The following CFAP299 variants were observed in gnomAD, a reference collection of about 807,000 sequenced individuals.
CFAP299 encodes cilia- and flagella-associated protein 299.
A neutral mutation model predicts 27.0 loss-of-function variants in CFAP299; 21 were observed. The observed-to-expected ratio is 0.78, with a 90% confidence interval of 0.55 to 1.12. The LOEUF is 1.12. Among genes scored for constraint, CFAP299 ranks in the 50% most tolerant of loss-of-function variants. The probability of loss-of-function intolerance (pLI) is 0.00; values close to 1 mark genes in which losing one functional copy is unlikely to be tolerated. For synonymous variants in CFAP299, 104 were observed against 98.1 expected, an observed-to-expected ratio of 1.06 and a Z score of -0.36; for missense variants, 310 against 276.6, an observed-to-expected ratio of 1.12 and a Z score of -0.86.
intron 4 of CFAP299, among the ~76,000 whole-genome samples, chr4:80,917,444 G>A (rs1463853707): frequency 3.3e-5 from 5 of 152,006 alleles, no homozygotes; most frequent in Non-Finnish European, 4.4e-5. Context: ...TTGGTTTCTA[G>A]ATTTGAAAAA....
intron 2 of CFAP299, among the ~76,000 whole-genome samples, chr4:80,552,318 A>AT: frequency 6.6e-6 from 1 of 152,252 alleles, no homozygotes; most frequent in South Asian, 2.1e-4. Flanking sequence ...AATAGATCAT[A>AT]TTTTTTGCAA....
chr4:80,823,446 T>G (rs541178000), intron 3 of CFAP299, among the ~76,000 whole-genome samples: 1 of 152,242 alleles, frequency 6.6e-6, no homozygotes, highest in East Asian at 1.9e-4. Flanking sequence ...GGACAGTAAA[T>G]AACTGGGCTG....
At chr4:80,359,227 C>T (rs916054576) in intron 1 of CFAP299, among the ~76,000 whole-genome samples, 7 of 152,094 alleles carry the variant, frequency 4.6e-5, no homozygotes, top group African/African-American at 9.7e-5. Flanking sequence ...GGTGATCTGA[C>T]GCTTCTCTCT....
chr4:80,518,529 A>G (rs1010697197), intron 2 of CFAP299, among the ~76,000 whole-genome samples: 7 of 152,198 alleles, frequency 4.6e-5, no homozygotes, highest in Admixed American at 1.3e-4. Context: ...GGTGCTCAGA[A>G]TGCAGGTCAG....
intron 3 of CFAP299, among the ~76,000 whole-genome samples, chr4:80,718,483 G>A (rs1382225594): frequency 3.9e-5 from 6 of 152,048 alleles, no homozygotes; most frequent in Non-Finnish European, 7.4e-5. Flanking sequence ...ATTGTCAAGA[G>A]TAGATAATAG....
intron 3 of CFAP299, among the ~76,000 whole-genome samples, chr4:80,691,021 T>C (rs1416564028): frequency 7.2e-6 from 1 of 138,444 alleles, no homozygotes; most frequent in Admixed American, 7.6e-5. Context: ...AATAGACCAA[T>C]AACAGGCTCT....
chr4:80,819,159 G>A (rs1164034522), intron 3 of CFAP299, among the ~76,000 whole-genome samples: 1 of 152,034 alleles, frequency 6.6e-6, no homozygotes, highest in African/African-American at 2.4e-5. Flanking sequence ...CTCAGAAGAA[G>A]CTATGTAGGA....
intron 5 of CFAP299, among the ~76,000 whole-genome samples, chr4:80,946,664 T>A (rs1290499125): frequency 6.6e-6 from 1 of 152,214 alleles, no homozygotes; most frequent in Non-Finnish European, 1.5e-5. Flanking sequence ...ATACTCTTTT[T>A]TGGTCTCAGG....
intron 3 of CFAP299, among the ~76,000 whole-genome samples, chr4:80,758,230 C>G (rs950133063): frequency 1.3e-5 from 2 of 152,122 alleles, no homozygotes; most frequent in East Asian, 1.9e-4. Flanking sequence ...AGGAAAGTGG[C>G]TTTCAGGGGG....
At chr4:80,350,474 C>A (rs377132264) in intron 1 of CFAP299, among the ~76,000 whole-genome samples, 7 of 152,190 alleles carry the variant, frequency 4.6e-5, no homozygotes, top group African/African-American at 1.7e-4. Flanking sequence ...ACTATAAAGA[C>A]ACATGCACAT....
chr4:80,897,185 G>T (rs1001409175), intron 4 of CFAP299, among the ~76,000 whole-genome samples: 1 of 152,112 alleles, frequency 6.6e-6, no homozygotes, highest in African/African-American at 2.4e-5. Context: ...ACAGCAAGGT[G>T]TACTACTGGA....
At chr4:80,787,358 A>T (rs1391588928) in intron 3 of CFAP299, among the ~76,000 whole-genome samples, 2 of 151,722 alleles carry the variant, frequency 1.3e-5, no homozygotes. Flanking sequence ...TCTGAATCTT[A>T]GTAAAAATCA....
At chr4:80,435,611 A>G (rs1371750928) in intron 2 of CFAP299, among the ~76,000 whole-genome samples, 1 of 152,208 alleles carries the variant, frequency 6.6e-6, no homozygotes, top group Non-Finnish European at 1.5e-5. Flanking sequence ...AGTAATGTCT[A>G]CTTGATTCAT....
chr4:80,565,013 A>G (rs1350563555), intron 2 of CFAP299, among the ~76,000 whole-genome samples: 1 of 152,018 alleles, frequency 6.6e-6, no homozygotes, highest in Non-Finnish European at 1.5e-5. Flanking sequence ...GGATGTAAAA[A>G]CTTGTACTCT....
chr4:80,832,907 C>A (rs549247469), intron 3 of CFAP299, among the ~76,000 whole-genome samples: 1 of 152,096 alleles, frequency 6.6e-6, no homozygotes, highest in East Asian at 1.9e-4. Context: ...TCAGAGATAT[C>A]GAAATTTTAA....
intron 3 of CFAP299, among the ~76,000 whole-genome samples, chr4:80,753,781 T>C (rs1475754435): frequency 6.6e-6 from 1 of 152,146 alleles, no homozygotes; most frequent in African/African-American, 2.4e-5. Context: ...GAGGAACCAT[T>C]TGAAGGCACT....
At chr4:80,327,721 T>TATATATATATATATATAA in the CFAP299 span, among the ~76,000 whole-genome samples, 1 of 132,722 alleles carries the variant, frequency 7.5e-6, no homozygotes, top group Non-Finnish European at 1.5e-5. Flanking sequence ...TATATATATA[T>TATATATATATATATATAA]AACTTCAATA....
intron 3 of CFAP299, among the ~76,000 whole-genome samples, chr4:80,757,462 T>C (rs1725299986): frequency 6.6e-6 from 1 of 152,164 alleles, no homozygotes; most frequent in Admixed American, 6.5e-5. Context: ...TTTTTACTTA[T>C]ATTTATTTAT....
chr4:80,955,469 G>A (rs1164077386), intron 5 of CFAP299, among the ~76,000 whole-genome samples: 1 of 152,176 alleles, frequency 6.6e-6, no homozygotes, highest in Non-Finnish European at 1.5e-5. Flanking sequence ...TTGCTTCCTA[G>A]TAGTGTATTA....
Sources: gnomAD v4.1 joint callset for allele counts (sites outside exome capture counted in the v4.1 genomes callset) on GRCh38, gnomAD v4.1.1 for gene constraint, MANE v1.5 for transcripts, NCBI Gene and HGNC (gene_info 2026-07-23, HGNC 2026-07-21) for gene names.